B4GALT6: variants seen among roughly 807,000 people sequenced by gnomAD.
B4GALT6 encodes the protein beta-1,4-galactosyltransferase 6.
A neutral mutation model predicts 46.3 loss-of-function variants in B4GALT6; 14 were observed. The observed-to-expected ratio is 0.30, with a 90% CI of 0.20 to 0.47. The LOEUF (loss-of-function observed/expected upper bound fraction) is 0.47. B4GALT6 is among the 20% of genes least tolerant of loss of function. The pLI is 0.99. For synonymous variants in B4GALT6, 168 were observed against 162.0 expected, an observed-to-expected ratio of 1.04 and a Z score of -0.28; for missense variants, 386 against 480.1, an observed-to-expected ratio of 0.80 and a Z score of 1.83.
At chr18:31,714,444 GGCCT>G in the B4GALT6 span, among the ~76,000 whole-genome samples, 14 of 152,200 alleles carry the variant, frequency 9.2e-5, no homozygotes, top group African/African-American at 3.4e-4. Flanking sequence ...ACTCCCCTGG[GGCCT>G]GACATGAAGC....
At chr18:31,705,293 C>CTGCTAGGG in the B4GALT6 span, among the ~76,000 whole-genome samples, 1 of 152,148 alleles carries the variant, frequency 6.6e-6, no homozygotes, top group Non-Finnish European at 1.5e-5. Flanking sequence ...AAGGAGAGTA[C>CTGCTAGGG]CACATGTGCT....
At chr18:31,681,723 T>C (rs1490672165) in intron 1 of B4GALT6, among the ~76,000 whole-genome samples, 1 of 152,144 alleles carries the variant, frequency 6.6e-6, no homozygotes, top group Non-Finnish European at 1.5e-5. Context: ...GCCCATGACA[T>C]ACACAGGGCT....
chr18:31,683,011 T>A (rs544663359), intron 1 of B4GALT6, among the ~76,000 whole-genome samples: 41 of 152,350 alleles, frequency 2.7e-4, no homozygotes, highest in African/African-American at 9.9e-4. Flanking sequence ...TGCAATAATG[T>A]TAAAATATTC....
At chr18:31,652,438 C>G (rs1283755530) in intron 3 of B4GALT6, among the ~76,000 whole-genome samples, 1 of 152,118 alleles carries the variant, frequency 6.6e-6, no homozygotes, top group Non-Finnish European at 1.5e-5. Flanking sequence ...AGACACCACC[C>G]TCTGGCTTCT....
chr18:31,649,747 G>C (rs1295119576), intron 3 of B4GALT6, among the ~76,000 whole-genome samples: 4 of 152,124 alleles, frequency 2.6e-5, no homozygotes, highest in Non-Finnish European at 5.9e-5. Context: ...ATTGAAAAGT[G>C]AAAAAACAAC....
intron 5 of B4GALT6, among the ~76,000 whole-genome samples, chr18:31,632,506 T>C (rs568132866): frequency 2.0e-5 from 3 of 152,344 alleles, no homozygotes; most frequent in Non-Finnish European, 4.4e-5. Context: ...TTCCCATTTA[T>C]TCCGGTATTT....
At position 31,632,611 on chromosome 18, in the gene B4GALT6, G is replaced by C. The variant is rs188874658; in HGVS notation, c.589-1465C>G. ...GACTTCTTATCATGGTAGTGGAGGA[G>C]TTAAACCACCACACCTCCTGCCCCT... On this transcript the variant is annotated intron_variant, in intron 5 of 8. Coordinates refer to ENST00000306851, the MANE Select transcript of B4GALT6 (RefSeq NM_004775.5). Among the ~76,000 whole-genome samples, 22 of 152,254 alleles carry C rather than the reference G, an allele frequency of 1.4e-4. No individual in the cohort carries two copies. The East Asian group carries it at 2.7e-3, about 19-fold the overall frequency.
chr18:31,707,066 C>A, the B4GALT6 span, among the ~76,000 whole-genome samples: 29 of 152,188 alleles, frequency 1.9e-4, no homozygotes, highest in African/African-American at 7.0e-4. Flanking sequence ...TGTCCTTTTT[C>A]TCTCTTCATA....
the B4GALT6 span, among the ~76,000 whole-genome samples, chr18:31,692,417 A>T: frequency 2.2e-4 from 33 of 152,308 alleles, no homozygotes; most frequent in East Asian, 6.2e-3. Context: ...GAATGTAGTG[A>T]TGTCTCATTT....
intron 7 of B4GALT6, 23 bp from the exon 8 acceptor site, chr18:31,626,407 GA>G: frequency 8.0e-7 from 1 of 1,251,754 alleles, no homozygotes. Context: ...ATATGGAAAT[GA>G]AAATATAGAG....
At chr18:31,651,598 T>A (rs1456578948) in intron 3 of B4GALT6, among the ~76,000 whole-genome samples, 2 of 152,116 alleles carry the variant, frequency 1.3e-5, no homozygotes, top group Admixed American at 1.3e-4. Context: ...ACGAGCACCC[T>A]ACCTCTCCAC....
intron 3 of B4GALT6, among the ~76,000 whole-genome samples, chr18:31,652,767 G>C (rs1243237428): frequency 6.6e-6 from 1 of 152,166 alleles, no homozygotes; most frequent in African/African-American, 2.4e-5. Flanking sequence ...CACCCTGTAG[G>C]TTCTTTTTTG....
chr18:31,672,220 T>G (rs2074364803), intron 1 of B4GALT6, among the ~76,000 whole-genome samples: 1 of 152,230 alleles, frequency 6.6e-6, no homozygotes, highest in Non-Finnish European at 1.5e-5. Context: ...TGCTATGACA[T>G]GCTGCCACAG....
chr18:31,721,346 C>A, the B4GALT6 span, among the ~76,000 whole-genome samples: 1 of 151,968 alleles, frequency 6.6e-6, no homozygotes, highest in African/African-American at 2.4e-5. Flanking sequence ...AAAAAACCAA[C>A]AAAAGTGGAT....
At chr18:31,649,177 A>G (rs1398315860) in intron 3 of B4GALT6, among the ~76,000 whole-genome samples, 1 of 152,246 alleles carries the variant, frequency 6.6e-6, no homozygotes, top group Non-Finnish European at 1.5e-5. Context: ...TCCTTTCTGA[A>G]GCCAACACTA....
the B4GALT6 span, among the ~76,000 whole-genome samples, chr18:31,717,039 G>A: frequency 1.3e-5 from 2 of 152,060 alleles, no homozygotes; most frequent in Admixed American, 6.5e-5. Flanking sequence ...TGGGGCGGAG[G>A]TTGCAGTGAG....
the B4GALT6 span, among the ~76,000 whole-genome samples, chr18:31,696,411 T>A: frequency 6.6e-6 from 1 of 152,256 alleles, no homozygotes; most frequent in Admixed American, 6.5e-5. Context: ...ATTTTATTCC[T>A]ATCAAGTCTT....
At chr18:31,641,077 C>G (rs1282486004) in intron 4 of B4GALT6, among the ~76,000 whole-genome samples, 1 of 152,118 alleles carries the variant, frequency 6.6e-6, no homozygotes, top group Admixed American at 6.5e-5. Flanking sequence ...GCTGTAAAAG[C>G]AGTTAAGGCC....
chr18:31,657,164 A>C (rs2074150357), intron 3 of B4GALT6, among the ~76,000 whole-genome samples: 1 of 152,168 alleles, frequency 6.6e-6, no homozygotes, highest in Non-Finnish European at 1.5e-5. Context: ...ACACATGCAT[A>C]TACGCACAGG....
Sources: gnomAD v4.1 joint callset for allele counts (sites outside exome capture counted in the v4.1 genomes callset) on GRCh38, gnomAD v4.1.1 for gene constraint, MANE v1.5 for transcripts, NCBI Gene and HGNC (gene_info 2026-07-23, HGNC 2026-07-21) for gene names.